MAD1L1: variants seen among roughly 807,000 people sequenced by gnomAD.
The protein encoded by MAD1L1 is mitotic arrest deficient 1 like 1, also known as mitotic spindle assembly checkpoint protein MAD1.
A neutral mutation model predicts 96.9 loss-of-function variants in MAD1L1; 95 were observed. The observed-to-expected ratio is 0.98, with a 90% confidence interval of 0.83 to 1.16. MAD1L1 has a LOEUF of 1.16. Among genes scored for constraint, MAD1L1 ranks in the 50% most tolerant of loss-of-function variants. The pLI is 0.00. For synonymous variants in MAD1L1, 473 were observed against 396.6 expected (o/e 1.19, Z -2.29); for missense variants, 1,007 against 954.4 (o/e 1.06, Z -0.73).
rs113443872 is a variant in MAD1L1, at chr7:2,003,147, C to T, written c.1360-1026G>A. ...TGGGATCTGCGGGGTGGAGGCCCAG[C>T]AGGCCTGAGGGTGAGGGAGAAATCG... On this transcript the variant is annotated intron_variant, in intron 13 of 18. Transcript: ENST00000265854. Among the ~76,000 whole-genome samples, 904 of 152,328 alleles carry T rather than the reference C, an allele frequency of 5.9e-3. 8 individuals carry two copies. The highest frequency in any genetic ancestry group is 0.027 in the Middle Eastern group (8 of 294).
intron 17 of MAD1L1, among the ~76,000 whole-genome samples, chr7:1,910,996 G>A (rs1387131083): frequency 2.0e-5 from 3 of 152,172 alleles, no homozygotes; most frequent in Non-Finnish European, 2.9e-5. Context: ...TGGTCTGGGC[G>A]CATCAGTCCT....
chr7:1,956,371 C>T (rs1328156824), intron 16 of MAD1L1, among the ~76,000 whole-genome samples: 8 of 152,332 alleles, frequency 5.3e-5, no homozygotes, highest in Admixed American at 5.2e-4. Context: ...GCTTCTCCCA[C>T]GCCATCCGGG....
intron 17 of MAD1L1, among the ~76,000 whole-genome samples, chr7:1,912,703 G>GC (rs1788097430): frequency 6.6e-6 from 1 of 152,200 alleles, no homozygotes; most frequent in African/African-American, 2.4e-5. Flanking sequence ...CAGGCAGGGA[G>GC]CCCACCGCGC....
intron 10 of MAD1L1, among the ~76,000 whole-genome samples, chr7:2,159,037 A>G (rs1441247637): frequency 1.3e-5 from 2 of 152,128 alleles, no homozygotes; most frequent in African/African-American, 2.4e-5. Context: ...GATGCCACTC[A>G]CACTCTTCCC....
chr7:2,012,521 A>T (rs1447261738), intron 13 of MAD1L1, among the ~76,000 whole-genome samples: 3 of 152,244 alleles, frequency 2.0e-5, no homozygotes, highest in Non-Finnish European at 4.4e-5. Context: ...ACTGAAGGTC[A>T]GTGTGCAGCC....
intron 18 of MAD1L1, among the ~76,000 whole-genome samples, chr7:1,820,621 T>A (rs1782073063): frequency 6.6e-6 from 1 of 151,884 alleles, no homozygotes; most frequent in Admixed American, 6.6e-5. Flanking sequence ...CAGCCAGGTG[T>A]GGTGGCATAC....
intron 12 of MAD1L1, among the ~76,000 whole-genome samples, chr7:2,044,435 G>A (rs1185703449): frequency 3.9e-5 from 6 of 152,178 alleles, no homozygotes; most frequent in African/African-American, 7.2e-5. Context: ...GCTGCCCGGC[G>A]CACGTGGAAG....
At position 2,146,563 on chromosome 7, in the gene MAD1L1, C is replaced by T. The variant is rs1336279270; in HGVS notation, c.1073+2589G>A. ...TCACAAGCACGTGCCCGCTGGTCCG[C>T]ACAGACGAGGGAAAATGCCCAGCAG... is the stretch of plus-strand genomic sequence containing the variant. On this transcript the variant is annotated intron_variant, in intron 11 of 18. Coordinates refer to ENST00000265854, the MANE Select transcript of MAD1L1 (RefSeq NM_001013836.2). This position sits in a 1 kb window ranked among gnomAD's most constrained non-coding sequence, Gnocchi z 6.2. 6.6e-6 allele frequency among the ~76,000 whole-genome samples: 1 copy of T among 152,240 alleles called. No individual in the cohort carries two copies.
intron 17 of MAD1L1, among the ~76,000 whole-genome samples, chr7:1,906,058 A>C (rs1408349696): frequency 1.3e-5 from 2 of 150,972 alleles, no homozygotes; most frequent in African/African-American, 4.9e-5. Flanking sequence ...TCAAAAAAAA[A>C]AAAAAAAAAA....
chr7:1,827,465 TCGCGGG>T (rs1562431589), intron 18 of MAD1L1, among the ~76,000 whole-genome samples: 21 of 79,340 alleles, frequency 2.6e-4, no homozygotes, highest in Admixed American at 1.5e-3. Flanking sequence ...CCTGAGCCCG[TCGCGGG>T]TGTGGGGGCC....
In MAD1L1 at chr7:2,119,845, C is replaced by T. The variant is rs909892580; in HGVS notation, c.1073+29307G>A. On this transcript the variant is annotated intron_variant, in intron 11 of 18. Transcript: ENST00000265854. The surrounding 1 kb of genome is among the most constrained non-coding windows in gnomAD (Gnocchi z 4.6). ...CCTAGGCTCTTTCCTGCTGGCTCCTCGCTGGGGTCCAGGACTCTGATCTGG... is the reference window on the plus strand; with the variant it reads ...CCTAGGCTCTTTCCTGCTGGCTCCTTGCTGGGGTCCAGGACTCTGATCTGG... 1.3e-5 allele frequency among the ~76,000 whole-genome samples: 2 copies of T among 152,202 alleles called. No homozygotes were observed. Among genetic ancestry groups the T allele is most frequent in the Non-Finnish European group, 2.9e-5 (2 of 68,028 alleles).
At chr7:2,012,700 G>T (rs1198418231) in intron 13 of MAD1L1, among the ~76,000 whole-genome samples, 1 of 152,220 alleles carries the variant, frequency 6.6e-6, no homozygotes, top group Non-Finnish European at 1.5e-5. Context: ...GTCAAGCGTG[G>T]TGGTGGTTGA....
chr7:2,058,911 G>A lies in MAD1L1; in HGVS notation c.1218+10283C>T, dbSNP rs1304256018. 9.5e-5 allele frequency among the ~76,000 whole-genome samples: 8 copies of A among 84,466 alleles called. 1 individual carries two copies. The highest frequency in any genetic ancestry group is 5.5e-4 in the Admixed American group (5 of 9,134). 55.4% of individuals were successfully genotyped at this position (84,466 alleles called of 152,430 possible). ...GTGGGAGTGTGGCCAGGGGAGAGGCGCAGGGCTGGAGAGGGAGTGTGGCCA... is the reference window on the plus strand; with the variant it reads ...GTGGGAGTGTGGCCAGGGGAGAGGCACAGGGCTGGAGAGGGAGTGTGGCCA... On this transcript the variant is annotated intron_variant, in intron 12 of 18. Transcript: ENST00000265854.
At chr7:1,822,442 A>AT (rs751430006) in intron 18 of MAD1L1, among the ~76,000 whole-genome samples, 17 of 140,586 alleles carry the variant, frequency 1.2e-4, no homozygotes, top group Admixed American at 4.3e-4. Context: ...ATATATATAT[A>AT]TTTTTTTTTT....
chr7:2,091,954 C>T (rs1435205651), intron 11 of MAD1L1, among the ~76,000 whole-genome samples: 1 of 152,162 alleles, frequency 6.6e-6, no homozygotes, highest in Non-Finnish European at 1.5e-5. Flanking sequence ...TAAACACGCA[C>T]ATTCAGGTCT....
chr7:2,087,765 G>A (rs1318454942), intron 11 of MAD1L1, among the ~76,000 whole-genome samples: 8 of 152,168 alleles, frequency 5.3e-5, no homozygotes, highest in African/African-American at 1.9e-4. Context: ...CCAGGAGCAG[G>A]GACTGGGGAG....
intron 18 of MAD1L1, among the ~76,000 whole-genome samples, chr7:1,839,325 G>A (rs868437342): frequency 1.7e-5 from 1 of 59,446 alleles, no homozygotes; most frequent in African/African-American, 6.9e-5. Flanking sequence ...CCTCCTGCCT[G>A]GCAGGAAAGC....
At chr7:2,193,687 T>G (rs1791837194) in intron 10 of MAD1L1, among the ~76,000 whole-genome samples, 2 of 152,182 alleles carry the variant, frequency 1.3e-5, no homozygotes, top group South Asian at 2.1e-4. Context: ...CGCGGGTAAC[T>G]CCAGATTCCT....
intron 16 of MAD1L1, among the ~76,000 whole-genome samples, chr7:1,945,215 T>C (rs1404383471): frequency 1.3e-5 from 2 of 152,242 alleles, no homozygotes; most frequent in Non-Finnish European, 2.9e-5. Flanking sequence ...CCGATCAGCC[T>C]AAACACTCAT....
Sources: allele counts gnomAD v4.1 joint callset (sites outside exome capture counted in the v4.1 genomes callset), GRCh38; gene constraint gnomAD v4.1.1; non-coding constraint Gnocchi (gnomAD v3.1); transcripts MANE v1.5; gene names NCBI Gene and HGNC (gene_info 2026-07-23, HGNC 2026-07-21).